Variants in IKBKB observed in about 807,000 individuals in gnomAD.
IKBKB encodes inhibitor of nuclear factor kappa B kinase subunit beta.
IKBKB carries 42 observed loss-of-function variants against 113.6 expected under a neutral mutation model. The observed-to-expected ratio is 0.37, with a 90% CI of 0.29 to 0.48. The LOEUF (loss-of-function observed/expected upper bound fraction) is 0.48. IKBKB is among the 20% of genes least tolerant of loss of function. The pLI is 0.99. For synonymous variants in IKBKB, 296 were observed against 361.3 expected (o/e 0.82, Z 2.05); for missense variants, 673 against 939.7 (o/e 0.72, Z 3.71).
intron 5 of IKBKB, among the ~76,000 whole-genome samples, chr8:42,295,209 C>G (rs1289068051): frequency 6.6e-6 from 1 of 151,090 alleles, no homozygotes; most frequent in Non-Finnish European, 1.5e-5. Context: ...ACCTCTGCCT[C>G]CTGGGTCCAA....
chr8:42,285,299 G>T (rs1811194025), intron 2 of IKBKB, among the ~76,000 whole-genome samples: 1 of 152,232 alleles, frequency 6.6e-6, no homozygotes, highest in African/African-American at 2.4e-5. Context: ...TAATCCCAGT[G>T]CTTAGAGAGG....
chr8:42,294,774 T>G (rs894343643), intron 5 of IKBKB, among the ~76,000 whole-genome samples: 2 of 152,230 alleles, frequency 1.3e-5, no homozygotes, highest in African/African-American at 4.8e-5. Context: ...CATGAGTCTC[T>G]TCTCTGTCTA....
At chr8:42,321,808 C>A (rs1368412226) in intron 16 of IKBKB, 88 bp from the exon 17 acceptor site, 2 of 907,178 alleles carry the variant, frequency 2.2e-6, no homozygotes, top group East Asian at 5.1e-5. Flanking sequence ...GCCTGGGCAA[C>A]ATGGTGAAAC....
chr8:42,327,690 T>A (rs1366799909), intron 20 of IKBKB, among the ~76,000 whole-genome samples: 3 of 149,660 alleles, frequency 2.0e-5, no homozygotes, highest in Non-Finnish European at 3.0e-5. Context: ...TGGAGTGCTA[T>A]GGCACGATCT....
chr8:42,315,531 A>C (rs1283564433), intron 9 of IKBKB, among the ~76,000 whole-genome samples: 1 of 151,920 alleles, frequency 6.6e-6, no homozygotes, highest in African/African-American at 2.4e-5. Flanking sequence ...CAGGGGAAGG[A>C]GTTTGGAGTT....
At chr8:42,311,237 C>G (rs763006171) in intron 8 of IKBKB, among the ~76,000 whole-genome samples, 1 of 152,156 alleles carries the variant, frequency 6.6e-6, no homozygotes, top group Non-Finnish European at 1.5e-5. Flanking sequence ...TTTCAGAGGA[C>G]AAGTGTCTAC....
At chr8:42,302,217 G>A (rs934596413) in intron 5 of IKBKB, among the ~76,000 whole-genome samples, 1 of 152,074 alleles carries the variant, frequency 6.6e-6, no homozygotes, top group Non-Finnish European at 1.5e-5. Flanking sequence ...CATTTGCTTT[G>A]ATTTTTAATA....
At chr8:42,305,112 C>A in intron 5 of IKBKB, 75 bp from the exon 6 acceptor site, 2 of 976,378 alleles carry the variant, frequency 2.0e-6, no homozygotes, top group Non-Finnish European at 3.3e-6. Flanking sequence ...CGGCATTTAT[C>A]TTTTGCAGGA....
In IKBKB at chr8:42,317,746, C is replaced by G. The variant is rs1258941982; in HGVS notation, c.1215C>G (p.Pro405=). The change falls in exon 12 of 22, where the codon CCC becomes CCG. Residue 405 remains proline (P), a synonymous_variant. Transcript: ENST00000520810. ...ATGAGACTCAGATCTCCCCACGGCCCCAACCTGAAAGTGTCAGCTGTATCC... is the reference window on the plus strand; with the variant it reads ...ATGAGACTCAGATCTCCCCACGGCCGCAACCTGAAAGTGTCAGCTGTATCC... ...ITYETQISPR[P]QPESVSCILQ... 1.9e-6 allele frequency: 3 copies of G among 1,612,590 alleles called. No homozygotes were observed. The highest frequency in any genetic ancestry group is 2.5e-6 in the Non-Finnish European group (3 of 1,178,592).
At position 42,273,623 on chromosome 8, in the gene IKBKB, C is replaced by G. The variant is rs186779148; in HGVS notation, c.105+1418C>G. Among the ~76,000 whole-genome samples the G allele has an allele frequency of 8.6e-5, 13 of 151,880 alleles. 1 individual carries two copies. In the East Asian group the frequency reaches 2.5e-3, roughly 30 times the overall value. On this transcript the variant is annotated intron_variant, in intron 2 of 21. Coordinates refer to ENST00000520810, the MANE Select transcript of IKBKB (RefSeq NM_001556.3). ...GTCTTGCTATGTTGCCCAGGCTTGT[C>G]TCAAACTCTCATCCTCAAGCAGTCT...
chr8:42,294,829 A>G (rs557089677), intron 5 of IKBKB, among the ~76,000 whole-genome samples: 1 of 152,190 alleles, frequency 6.6e-6, no homozygotes, highest in African/African-American at 2.4e-5. Context: ...TGTTTTCTTG[A>G]CACCCTGACC....
intron 9 of IKBKB, among the ~76,000 whole-genome samples, chr8:42,314,956 C>A (rs143952217): frequency 6.6e-6 from 1 of 152,160 alleles, no homozygotes; most frequent in African/African-American, 2.4e-5. Context: ...GTTCACATAA[C>A]AATTTATCTA....
intron 2 of IKBKB, among the ~76,000 whole-genome samples, chr8:42,286,650 A>G (rs1328036772): frequency 6.6e-6 from 1 of 152,132 alleles, no homozygotes; most frequent in African/African-American, 2.4e-5. Context: ...ATTTTTTTGT[A>G]GAGATGGGGT....
At position 42,327,806 on chromosome 8, in the gene IKBKB, A is replaced by ATTT. The variant is rs1285987849; in HGVS notation, c.2115-1305_2115-1303dup. Among the ~76,000 whole-genome samples, 41 of 14,676 alleles carry ATTT rather than the reference A, an allele frequency of 2.8e-3. 12 individuals are homozygous for ATTT. Among genetic ancestry groups the ATTT allele is most frequent in the African/African-American group, 5.1e-3 (40 of 7,908 alleles). 9.6% of individuals were successfully genotyped at this position (14,676 alleles called of 152,430 possible). On this transcript the variant is annotated intron_variant, in intron 20 of 21. Coordinates refer to ENST00000520810, the MANE Select transcript of IKBKB (RefSeq NM_001556.3). Reference sequence around the variant, plus strand: ...AGCCACCAGGCCTGGCTAATTTTGTATTTTTTTTTTTTTTTGAGACGGAGT... The same window carrying ATTT: ...AGCCACCAGGCCTGGCTAATTTTGTATTTTTTTTTTTTTTTTTTGAGACGGAGT...
chr8:42,303,936 G>A (rs980631008), intron 5 of IKBKB, among the ~76,000 whole-genome samples: 2 of 152,084 alleles, frequency 1.3e-5, no homozygotes, highest in African/African-American at 4.8e-5. Context: ...TTTGTTTATA[G>A]TATCTTTTGC....
chr8:42,322,526 C>T, intron 19 of IKBKB, 32 bp downstream of exon 19: 1 of 1,610,670 alleles, frequency 6.2e-7, no homozygotes, highest in African/African-American at 1.3e-5. Context: ...GGGCCCTTGG[C>T]CTAGCAGCCT....
Position 42,271,348 on chromosome 8 carries a change from C to G in IKBKB, c.-140C>G, listed in dbSNP as rs1320951019. On this transcript the variant is annotated 5_prime_UTR_variant, in exon 1 of 22. Transcript: ENST00000520810. ...TTTGAGGAAGTCGCGCCGCGCTGCC[C>G]GCGTTAAGATTCCCGCATTTTAATG... 2 of 1,324,892 alleles carry G rather than the reference C, an allele frequency of 1.5e-6. No homozygotes were observed. The highest frequency in any genetic ancestry group is 1.5e-5 in the African/African-American group (1 of 68,934). The allele number at this position is 1,324,892 out of a possible 1,614,324, so 82.1% of individuals were successfully genotyped here.
At chr8:42,301,998 T>C (rs1815314728) in intron 5 of IKBKB, among the ~76,000 whole-genome samples, 1 of 152,166 alleles carries the variant, frequency 6.6e-6, no homozygotes, top group Non-Finnish European at 1.5e-5. Flanking sequence ...CCTACACTTT[T>C]ATGTATTACA....
rs1455104198 is a variant in IKBKB at position 42,271,336 on chromosome 8, C to T, written c.-152C>T. 6.8e-6 allele frequency: 8 copies of T among 1,173,308 alleles called. No individual in the cohort carries two copies. The African/African-American group carries it at 1.2e-4, about 18-fold the overall frequency. 72.7% of individuals were successfully genotyped at this position (1,173,308 alleles called of 1,614,324 possible). On this transcript the variant is annotated 5_prime_UTR_variant, in exon 1 of 22. Coordinates refer to ENST00000520810, the MANE Select transcript of IKBKB (RefSeq NM_001556.3). ...GAGCAGGAAGTGTTTGAGGAAGTCG[C>T]GCCGCGCTGCCCGCGTTAAGATTCC...
Sources: gnomAD v4.1 joint callset for allele counts (sites outside exome capture counted in the v4.1 genomes callset) on GRCh38, gnomAD v4.1.1 for gene constraint, MANE v1.5 for transcripts, NCBI Gene and HGNC (gene_info 2026-07-23, HGNC 2026-07-21) for gene names.